The following STK3 variants were observed in gnomAD, a reference collection of about 807,000 sequenced individuals.
The protein encoded by STK3 is serine/threonine kinase 3.
STK3 carries 41 observed loss-of-function variants against 58.0 expected under a neutral mutation model. That is an observed-to-expected ratio of 0.71 (90% CI 0.55 to 0.92). The LOEUF (loss-of-function observed/expected upper bound fraction) is 0.92, where lower values mean the gene tolerates loss of function less well. Ranked by LOEUF, STK3 falls within the 40% of genes least tolerant of loss-of-function variation. The pLI is 0.00. For missense variants in STK3, 479 were observed against 602.7 expected, an observed-to-expected ratio of 0.79 and a Z score of 2.15; for synonymous variants, 170 against 191.0, an observed-to-expected ratio of 0.89 and a Z score of 0.91.
intron 4 of STK3, among the ~76,000 whole-genome samples, chr8:98,715,460 A>G (rs897160995): frequency 6.6e-6 from 1 of 152,158 alleles, no homozygotes; most frequent in Non-Finnish European, 1.5e-5. Context: ...CCCCATCAAA[A>G]AGTGGGCAAA....
intron 3 of STK3, among the ~76,000 whole-genome samples, chr8:98,840,583 GTATATATATATATATATA>G (rs59274441): frequency 0.34 from 26,994 of 80,360 alleles, 4,211 homozygotes; most frequent in East Asian, 0.49. Context: ...AGAAAAAAAT[GTATATATATATATATATA>G]TATATATATA....
chr8:98,633,745 AC>A, intron 6 of STK3: 1 of 611,176 alleles, frequency 1.6e-6, no homozygotes, highest in South Asian at 1.9e-5. Flanking sequence ...GATCCAGAGT[AC>A]CAGCAAGAGC....
chr8:98,780,064 AATAAT>A (rs1384164862), intron 1 of STK3, among the ~76,000 whole-genome samples: 1 of 151,972 alleles, frequency 6.6e-6, no homozygotes, highest in East Asian at 1.9e-4. Context: ...ATAATCATGT[AATAAT>A]ATAATTTTAA....
chr8:98,695,075 T>C (rs956562516), intron 6 of STK3, among the ~76,000 whole-genome samples: 1 of 152,224 alleles, frequency 6.6e-6, no homozygotes, highest in African/African-American at 2.4e-5. Context: ...TCATTGTGGT[T>C]TTGGTTTGCA....
At chr8:98,701,542 TG>T (rs1285068297) in intron 6 of STK3, among the ~76,000 whole-genome samples, 2 of 151,784 alleles carry the variant, frequency 1.3e-5, no homozygotes, top group African/African-American at 4.8e-5. Context: ...GAGAATCGCT[TG>T]AAACCGGGAG....
intron 1 of STK3, among the ~76,000 whole-genome samples, chr8:98,441,992 C>T (rs1185509216): frequency 1.3e-5 from 2 of 152,144 alleles, no homozygotes; most frequent in Non-Finnish European, 2.9e-5. Context: ...TCAACATGTC[C>T]AATTCTGGAC....
chr8:98,777,943 CAAT>C (rs1348887250), intron 1 of STK3, among the ~76,000 whole-genome samples: 2 of 152,196 alleles, frequency 1.3e-5, no homozygotes, highest in African/African-American at 4.8e-5. Flanking sequence ...AAAACCTAGG[CAAT>C]ACCATTCAGG....
chr8:98,598,041 A>G, intron 6 of STK3: 1 of 985,392 alleles, frequency 1.0e-6, no homozygotes, highest in South Asian at 4.7e-5. Flanking sequence ...AATAAATTTG[A>G]ACTCTCATCT....
rs1259477514 is a variant in STK3, at chr8:98,612,077, TA to T, written c.685-15909del. On this transcript the variant is annotated intron_variant, in intron 6 of 10. Transcript: ENST00000419617. ...AATATACATATAATAGACATTTATA[TA>T]AATATATATGTGTATGTATGTCACT... 4.0e-5 allele frequency among the ~76,000 whole-genome samples: 6 copies of T among 149,400 alleles called. No homozygotes were observed. The South Asian group carries it at 6.3e-4, about 16-fold the overall frequency.
chr8:98,715,270 A>C (rs1015557500), intron 4 of STK3, among the ~76,000 whole-genome samples: 1 of 152,246 alleles, frequency 6.6e-6, no homozygotes, highest in Non-Finnish European at 1.5e-5. Context: ...ACGAAAGCCA[A>C]AATTGACAAA....
downstream of STK3, among the ~76,000 whole-genome samples, chr8:98,454,141 T>G (rs1344214719): frequency 6.6e-6 from 1 of 152,184 alleles, no homozygotes; most frequent in Non-Finnish European, 1.5e-5. Context: ...ATACCATTTT[T>G]AAAAAGGAAT....
At chr8:98,694,523 CCA>C in intron 6 of STK3, among the ~76,000 whole-genome samples, 1 of 152,226 alleles carries the variant, frequency 6.6e-6, no homozygotes, top group South Asian at 2.1e-4. Flanking sequence ...AGAACAGTCC[CCA>C]GAGTGTGATG....
intron 1 of STK3, among the ~76,000 whole-genome samples, chr8:98,912,141 G>C (rs918923718): frequency 1.2e-4 from 18 of 152,284 alleles, no homozygotes; most frequent in African/African-American, 4.1e-4. Context: ...AACTTTAGGA[G>C]GCAGAGGCAG....
At chr8:98,655,877 C>T (rs1311269793) in intron 6 of STK3, among the ~76,000 whole-genome samples, 1 of 152,198 alleles carries the variant, frequency 6.6e-6, no homozygotes, top group Non-Finnish European at 1.5e-5. Flanking sequence ...AACACTTTTG[C>T]ACTGTTGGTG....
chr8:98,820,257 A>T (rs549948434), intron 1 of STK3, among the ~76,000 whole-genome samples: 2 of 152,314 alleles, frequency 1.3e-5, no homozygotes, highest in African/African-American at 2.4e-5. Context: ...ATAATAATAA[A>T]AAATTGCCAC....
At chr8:98,834,243 C>T (rs1835664552) in intron 3 of STK3, among the ~76,000 whole-genome samples, 1 of 152,196 alleles carries the variant, frequency 6.6e-6, no homozygotes, top group African/African-American at 2.4e-5. Context: ...ACTGCCTCTT[C>T]TTTCCCTTTA....
chr8:98,344,884 C>G, the STK3 span, among the ~76,000 whole-genome samples: 1 of 111,176 alleles, frequency 9.0e-6, no homozygotes, highest in Non-Finnish European at 1.7e-5. Context: ...CAGAGCGAGA[C>G]TCCGTCTCAA....
intron 1 of STK3, among the ~76,000 whole-genome samples, chr8:98,786,609 AT>A (rs1200819074): frequency 1.3e-5 from 2 of 152,244 alleles, no homozygotes; most frequent in Non-Finnish European, 2.9e-5. Context: ...AACTTTTAAA[AT>A]TGAACAAAGT....
In STK3 at chr8:98,840,583, GTATATATATATATATATATATATATA is replaced by G. The variant is rs59274441; in HGVS notation, c.110+43038_110+43063del. Among the ~76,000 whole-genome samples, 737 of 80,128 alleles carry G rather than the reference GTATATATATATATATATATATATATA, an allele frequency of 9.2e-3. 18 individuals carry two copies. Among genetic ancestry groups the G allele is most frequent in the African/African-American group, 0.033 (606 of 18,498 alleles). 52.6% of individuals were successfully genotyped at this position (80,128 alleles called of 152,430 possible). A position where few individuals can be genotyped will look rare whatever the true frequency, so the allele number is the denominator to read the frequency against. On this transcript the variant is annotated intron_variant, in intron 3 of 12. Transcript: ENST00000523601. ...TGACAACCTGTCTCAAGAAAAAAAT[GTATATATATATATATATATATATATA>G]TATATATATATATATATATACACAC...
Sources: allele counts gnomAD v4.1 joint callset (sites outside exome capture counted in the v4.1 genomes callset), GRCh38; gene constraint gnomAD v4.1.1; transcripts MANE v1.5; gene names NCBI Gene and HGNC (gene_info 2026-07-23, HGNC 2026-07-21).